PHACTR2: variants seen among roughly 807,000 people sequenced by gnomAD.
The protein encoded by PHACTR2 is chromosome 6 open reading frame 56.
Under a neutral mutation model 76.0 loss-of-function variants are expected in PHACTR2, and 30 were observed. The observed-to-expected ratio is 0.39, with a 90% CI of 0.30 to 0.54. The LOEUF is 0.54. Among genes scored for constraint, PHACTR2 ranks in the 20% least tolerant of loss-of-function variants. PHACTR2 has a pLI of 0.61. For missense variants in PHACTR2, 696 were observed against 781.1 expected, an observed-to-expected ratio of 0.89 and a Z score of 1.30; for synonymous variants, 292 against 292.5, an observed-to-expected ratio of 1.00 and a Z score of 0.02.
intron 4 of PHACTR2, among the ~76,000 whole-genome samples, chr6:143,759,324 G>T (rs1028535383): frequency 2.0e-5 from 3 of 152,070 alleles, no homozygotes; most frequent in Non-Finnish European, 4.4e-5. Context: ...GTATTTCTTC[G>T]ATTCGGCACC....
In PHACTR2 at chr6:143,825,511, A is replaced by AT. The variant is rs1776514457; in HGVS notation, c.*1828dup. On this transcript the variant is annotated 3_prime_UTR_variant, in exon 13 of 13. Coordinates refer to ENST00000440869, the MANE Select transcript of PHACTR2 (RefSeq NM_001100164.2). The surrounding 1 kb of genome is among the most constrained non-coding windows in gnomAD (Gnocchi z 4.1). The stretch of plus-strand genomic sequence containing the variant: ...TCATTTCACTAATAGGATAAGACAA[A>AT]TTTTTTGCTTTGAAAAAATTTTTCT... 1 of 152,074 alleles carries AT rather than the reference A, an allele frequency of 6.6e-6. No homozygotes were observed. The highest frequency in any genetic ancestry group is 1.5e-5 in the Non-Finnish European group (1 of 68,004). The allele number at this position is 152,074 out of a possible 1,614,324, so 9.4% of individuals were successfully genotyped here. A position where few individuals can be genotyped will look rare whatever the true frequency, so the allele number is the denominator to read the frequency against.
rs773180750 is a variant in PHACTR2, at chr6:143,712,042, G to A, written c.73G>A (p.Ala25Thr). The stretch of plus-strand genomic sequence containing the variant: ...TGACGGACTGGACAAAGCTTCTATA[G>A]CAAACTCAGATGGCCCCACAGCAGG... ...SVDGLDKASI[A>T]NSDGPTAGSQ... Residue 25 changes from alanine (A) to threonine (T), a missense_variant, in exon 2 of 13, where the codon GCA (alanine) becomes ACA (threonine). Ala to Thr is a moderately conservative substitution (Grantham distance 58). Coordinates refer to ENST00000440869, the MANE Select transcript of PHACTR2 (RefSeq NM_001100164.2). 31 of 1,590,562 alleles carry A rather than the reference G, an allele frequency of 1.9e-5. No homozygotes were observed. Among genetic ancestry groups the A allele is most frequent in the Non-Finnish European group, 2.6e-5 (31 of 1,171,038 alleles).
rs553574461 is a variant in PHACTR2, at chr6:143,828,645, C to A, written c.*4956C>A. ...GCCATGCTAGGATTTACTGCACACA[C>A]AAAAAATGTCATTTAGCTTGTCACA... On this transcript the variant is annotated 3_prime_UTR_variant, in exon 13 of 13. Transcript: ENST00000440869. The surrounding 1 kb of genome is among the most constrained non-coding windows in gnomAD (Gnocchi z 4.7). 1 of 152,108 alleles carries A rather than the reference C, an allele frequency of 6.6e-6. No individual in the cohort carries two copies. The highest frequency in any genetic ancestry group is 2.4e-5 in the African/African-American group (1 of 41,422). The allele number at this position is 152,108 out of a possible 1,614,324, so 9.4% of individuals were successfully genotyped here. A position where few individuals can be genotyped will look rare whatever the true frequency, so the allele number is the denominator to read the frequency against.
rs1420725482 is a variant in PHACTR2, at chr6:143,783,463, T to TA, written c.1707+190dup. The stretch of plus-strand genomic sequence containing the variant: ...GGTGAAACCCTAGCTCTACAAAAAA[T>TA]AAAAAAATTAGCCGGCATGGTGGCA... On this transcript the variant is annotated intron_variant, in intron 10 of 12. Coordinates refer to ENST00000440869, the MANE Select transcript of PHACTR2 (RefSeq NM_001100164.2). The surrounding 1 kb of genome is among the most constrained non-coding windows in gnomAD (Gnocchi z 5.2). Among the ~76,000 whole-genome samples the TA allele has an allele frequency of 6.6e-6, 1 of 151,842 alleles. No homozygotes were observed. The highest frequency in any genetic ancestry group is 6.6e-5 in the Admixed American group (1 of 15,250).
intron 1 of PHACTR2, among the ~76,000 whole-genome samples, chr6:143,560,882 G>GGTGTGTGTGTGTGTGT (rs36070460): frequency 3.0e-5 from 4 of 133,094 alleles, no homozygotes; most frequent in South Asian, 2.6e-4. Context: ...AAAGCAGAGG[G>GGTGTGTGTGTGTGTGT]GTGTGTGTGT....
intron 1 of PHACTR2, among the ~76,000 whole-genome samples, chr6:143,634,010 A>G (rs183773521): frequency 1.6e-4 from 24 of 152,360 alleles, no homozygotes; most frequent in African/African-American, 5.8e-4. Context: ...ACAAAATACT[A>G]GTCAGTGCAG....
At chr6:143,714,277 T>G (rs1778251953) in intron 2 of PHACTR2, among the ~76,000 whole-genome samples, 1 of 152,222 alleles carries the variant, frequency 6.6e-6, no homozygotes, top group Non-Finnish European at 1.5e-5. Context: ...CTTCTACGTT[T>G]GTCCTTCTCT....
chr6:143,588,537 G>A (rs1775653068), intron 1 of PHACTR2, among the ~76,000 whole-genome samples: 1 of 152,166 alleles, frequency 6.6e-6, no homozygotes, highest in South Asian at 2.1e-4. Context: ...AAAACCAGAT[G>A]TCCCAAATGT....
chr6:143,689,732 G>T lies in PHACTR2; in HGVS notation c.46+11523G>T, dbSNP rs546637614. On this transcript the variant is annotated intron_variant, in intron 1 of 12. Coordinates refer to ENST00000440869, the MANE Select transcript of PHACTR2 (RefSeq NM_001100164.2). This position sits in a 1 kb window ranked among gnomAD's most constrained non-coding sequence, Gnocchi z 4.4. ...TTTTGAGATGGAGTGTCGCTCTGTT[G>T]CCCAGGCTGGAGTGCAGTGGCCTGA... Among the ~76,000 whole-genome samples the T allele has an allele frequency of 7.6e-5, 10 of 131,538 alleles. No individual in the cohort carries two copies. Among genetic ancestry groups the T allele is most frequent in the Non-Finnish European group, 1.1e-4 (7 of 63,392 alleles). 86.3% of individuals were successfully genotyped at this position (131,538 alleles called of 152,430 possible).
At chr6:143,635,337 T>C (rs889738569) in intron 1 of PHACTR2, among the ~76,000 whole-genome samples, 1 of 152,080 alleles carries the variant, frequency 6.6e-6, no homozygotes, top group Non-Finnish European at 1.5e-5. Context: ...TGTGTGTGTG[T>C]GTGTGTGTGT....
chr6:143,719,389 C>A (rs1287885570), intron 2 of PHACTR2, among the ~76,000 whole-genome samples: 1 of 140,722 alleles, frequency 7.1e-6, no homozygotes, highest in Non-Finnish European at 1.5e-5. Context: ...GTCTCACTCT[C>A]GCCCAGGCTG....
At chr6:143,691,437 A>G (rs960959103) in intron 1 of PHACTR2, among the ~76,000 whole-genome samples, 4 of 152,174 alleles carry the variant, frequency 2.6e-5, no homozygotes, top group Non-Finnish European at 5.9e-5. Flanking sequence ...TCATGAGCAA[A>G]TATTCCTATT....
chr6:143,548,492 A>C lies in PHACTR2; in HGVS notation c.217+11285A>C, dbSNP rs985987206. Among the ~76,000 whole-genome samples the C allele has an allele frequency of 3.9e-5, 6 of 151,904 alleles. No homozygotes were observed. The highest frequency in any genetic ancestry group is 3.3e-4 in the Admixed American group (5 of 15,240). ...TTCTCCTCAGATTTCCCCTATTTAC[A>C]TGTCTTCTGTTAAAGCTAGCAGAGA... On this transcript the variant is annotated intron_variant, in intron 1 of 11. Transcript: ENST00000367584. This position sits in a 1 kb window ranked among gnomAD's most constrained non-coding sequence, Gnocchi z 4.5.
In PHACTR2 at chr6:143,536,963, G is replaced by C. The variant is rs1781121844; in HGVS notation, c.-28G>C. ...GCAGCCCTCGGCGCCGGCCCCACCC[G>C]GTGCTCCGGCCCCGCCGCCGGGAGC... On this transcript the variant is annotated 5_prime_UTR_variant, in exon 1 of 12. Coordinates refer to the PHACTR2 transcript ENST00000367584. This position sits in a 1 kb window ranked among gnomAD's most constrained non-coding sequence, Gnocchi z 5.4. 6.5e-6 allele frequency: 1 copy of C among 154,514 alleles called. No homozygotes were observed. The highest frequency in any genetic ancestry group is 1.9e-4 in the East Asian group (1 of 5,294). 9.6% of individuals were successfully genotyped at this position (154,514 alleles called of 1,614,324 possible). A position where few individuals can be genotyped will look rare whatever the true frequency, so the allele number is the denominator to read the frequency against.
At position 143,822,590 on chromosome 6, in the gene PHACTR2, CAT is replaced by C. The variant is rs1421757674; in HGVS notation, c.1923-1082_1923-1081del. 6.6e-6 allele frequency among the ~76,000 whole-genome samples: 1 copy of C among 152,110 alleles called. No individual in the cohort carries two copies. The highest frequency in any genetic ancestry group is 1.5e-5 in the Non-Finnish European group (1 of 68,022). On this transcript the variant is annotated intron_variant, in intron 12 of 12. Coordinates refer to ENST00000440869, the MANE Select transcript of PHACTR2 (RefSeq NM_001100164.2). This position sits in a 1 kb window ranked among gnomAD's most constrained non-coding sequence, Gnocchi z 5.5. ...GGATAGTGTGAGCAACAGTGAGGAG[CAT>C]AGATTTGATGGAGAGAGCCTGGGAC...
rs1775069421 is a variant in PHACTR2 at position 143,549,919 on chromosome 6, A to G, written c.217+12712A>G. 2.0e-5 allele frequency among the ~76,000 whole-genome samples: 3 copies of G among 151,884 alleles called. No homozygotes were observed. Among genetic ancestry groups the G allele is most frequent in the Admixed American group, 2.0e-4 (3 of 15,240 alleles). ...TTTTCAGCCATGATCACTTTGCTGC[A>G]CTGTTAATAGACAATAGGCAACAAA... On this transcript the variant is annotated intron_variant, in intron 1 of 11. Transcript: ENST00000367584. The surrounding 1 kb of genome is among the most constrained non-coding windows in gnomAD (Gnocchi z 4.2).
rs1387874440 is a variant in PHACTR2 at position 143,735,368 on chromosome 6, C to G, written c.215-13617C>G. Among the ~76,000 whole-genome samples, 3 of 152,232 alleles carry G rather than the reference C, an allele frequency of 2.0e-5. No individual in the cohort carries two copies. The South Asian group carries it at 6.2e-4, about 32-fold the overall frequency. ...ATTATGCATTATCGTGATGAAAATT[C>G]TTTCTTGTCTGTTTTTCATTTCAGC... On this transcript the variant is annotated intron_variant, in intron 2 of 12. Transcript: ENST00000440869.
Position 143,654,031 on chromosome 6 carries a change from A to G in PHACTR2, c.13+45709A>G, listed in dbSNP as rs928735269. On this transcript the variant is annotated intron_variant, in intron 1 of 11. Coordinates refer to the PHACTR2 transcript ENST00000305766. This position sits in a 1 kb window ranked among gnomAD's most constrained non-coding sequence, Gnocchi z 4.6. ...GCAATAATAAAAAGACAAATACTCC[A>G]ATGTTCAAATGGGCAAAGGATTTGA... 2.6e-5 allele frequency among the ~76,000 whole-genome samples: 4 copies of G among 152,330 alleles called. No homozygotes were observed.
rs550736906 is a variant in PHACTR2 at position 143,653,590 on chromosome 6, C to A, written c.13+45268C>A. On this transcript the variant is annotated intron_variant, in intron 1 of 11. Transcript: ENST00000305766. The surrounding 1 kb of genome is among the most constrained non-coding windows in gnomAD (Gnocchi z 4.9). ...ACATTTTTAGAAAATTGGTTGTCAA[C>A]AAGGATGCCAAGACAATTCAATGGG... Among the ~76,000 whole-genome samples the A allele has an allele frequency of 1.3e-5, 2 of 151,702 alleles. No individual in the cohort carries two copies. Among genetic ancestry groups the A allele is most frequent in the Admixed American group, 6.6e-5 (1 of 15,196 alleles).
Sources: gnomAD v4.1 joint callset for allele counts (sites outside exome capture counted in the v4.1 genomes callset) on GRCh38, gnomAD v4.1.1 for gene constraint, Gnocchi (gnomAD v3.1) non-coding constraint, MANE v1.5 for transcripts, NCBI Gene and HGNC (gene_info 2026-07-23, HGNC 2026-07-21) for gene names.